PISD: variants seen among roughly 807,000 people sequenced by gnomAD.
The protein encoded by PISD is phosphatidylserine decarboxylase proenzyme, mitochondrial.
A neutral mutation model predicts 43.5 loss-of-function variants in PISD; 31 were observed. The ratio of observed to expected loss-of-function variants is 0.71; its 90% CI spans 0.54 to 0.96. PISD has a LOEUF of 0.96. Among genes scored for constraint, PISD ranks in the 40% least tolerant of loss-of-function variants. PISD has a pLI of 0.00. For synonymous variants in PISD, 259 were observed against 228.7 expected, an observed-to-expected ratio of 1.13 and a Z score of -1.20; for missense variants, 523 against 548.4, an observed-to-expected ratio of 0.95 and a Z score of 0.46.
upstream of PISD, chr22:31,662,228 CG>C (rs760673286): frequency 8.1e-6 from 13 of 1,600,672 alleles, no homozygotes; most frequent in African/African-American, 1.1e-4. Flanking sequence ...TCCTTCTCAG[CG>C]TGCCACGCCC....
intron 3 of PISD, chr22:31,629,320 A>G: frequency 3.1e-6 from 2 of 649,900 alleles, no homozygotes; most frequent in South Asian, 6.8e-5. Flanking sequence ...GGGTGCGTGT[A>G]TAGGTGCGAG....
At chr22:31,631,686 T>C (rs1323085014) in intron 3 of PISD, among the ~76,000 whole-genome samples, 1 of 152,116 alleles carries the variant, frequency 6.6e-6, no homozygotes, top group African/African-American at 2.4e-5. Flanking sequence ...CCACATGGGA[T>C]CAGACCAATC....
rs528514257 is a variant in PISD at position 31,623,503 on chromosome 22, G to T, written c.322-1618C>A. ...CTCGCAGTCACCCGCGGCCCAGGTA[G>T]TGGCCTTCTCAAAAGCTGCCTTGGC... On this transcript the variant is annotated intron_variant, in intron 3 of 7. Coordinates refer to ENST00000439502, the MANE Select transcript of PISD (RefSeq NM_001326411.2). Among the ~76,000 whole-genome samples the T allele has an allele frequency of 2.6e-4, 39 of 152,354 alleles. No homozygotes were observed. The East Asian group carries it at 7.1e-3, about 28-fold the overall frequency.
chr22:31,619,529 A>T lies in PISD; in HGVS notation c.*83T>A. 5.4e-6 allele frequency: 6 copies of T among 1,108,310 alleles called. No individual in the cohort carries two copies. The highest frequency in any genetic ancestry group is 8.2e-6 in the Non-Finnish European group (6 of 734,488). The allele number at this position is 1,108,310 out of a possible 1,614,324, so 68.7% of individuals were successfully genotyped here. A position where few individuals can be genotyped will look rare whatever the true frequency, so the allele number is the denominator to read the frequency against. On this transcript the variant is annotated 3_prime_UTR_variant, in exon 8 of 8. Transcript: ENST00000439502. ...CACGCTGAGGCAGGCCCTTACCTGG[A>T]TGGCCTCATGGGCCTCCCTCTTGAA... is the stretch of plus-strand genomic sequence containing the variant.
At chr22:31,640,566 G>A (rs1181680733) in intron 3 of PISD, among the ~76,000 whole-genome samples, 16 of 138,378 alleles carry the variant, frequency 1.2e-4, no homozygotes, top group East Asian at 2.1e-4. Context: ...TTTTTGTTTC[G>A]GTTTGGTTGT....
chr22:31,638,206 G>C (rs192040269), intron 3 of PISD, among the ~76,000 whole-genome samples: 1 of 152,206 alleles, frequency 6.6e-6, no homozygotes, highest in Admixed American at 6.5e-5. Context: ...CTAGATCCAC[G>C]GGGCAGAGGC....
At chr22:31,620,755 G>A (rs545580972) in intron 6 of PISD, 42 bp from the exon 7 acceptor site, 91 of 1,609,152 alleles carry the variant, frequency 5.7e-5, no homozygotes, top group East Asian at 1.6e-4. Flanking sequence ...TCCAGAGCCC[G>A]GTGTGTCCAC....
rs201610748 is a variant in PISD, at chr22:31,621,629, A to G, written c.558+20T>C. Reference sequence around the variant, plus strand: ...AGGAAAAAGTCCTGTTTCCTGCAGGAGGAAAGGGTCAGGCCTCACCACGCT... The same window carrying G: ...AGGAAAAAGTCCTGTTTCCTGCAGGGGGAAAGGGTCAGGCCTCACCACGCT... On this transcript the variant is annotated intron_variant, in intron 4 of 7. Coordinates refer to ENST00000439502, the MANE Select transcript of PISD (RefSeq NM_001326411.2). 6 of 1,608,462 alleles carry G rather than the reference A, an allele frequency of 3.7e-6. No homozygotes were observed. The East Asian group carries it at 1.3e-4, about 36-fold the overall frequency.
chr22:31,637,800 G>T (rs570106987), intron 3 of PISD, among the ~76,000 whole-genome samples: 1 of 152,186 alleles, frequency 6.6e-6, no homozygotes, highest in African/African-American at 2.4e-5. Context: ...CCCCTCACCC[G>T]GCACTGGCTA....
chr22:31,637,164 AATATATATATATATATAT>A (rs61010566), intron 3 of PISD, among the ~76,000 whole-genome samples: 43 of 13,644 alleles, frequency 3.2e-3, no homozygotes, highest in South Asian at 6.3e-3. Context: ...AAAAAAAAAA[AATATATATATATATATAT>A]ATATATATAT....
chr22:31,650,589 T>C, intron 2 of PISD, 110 bp downstream of exon 2: 1 of 604,676 alleles, frequency 1.7e-6, no homozygotes, highest in Middle Eastern at 2.6e-4. Context: ...CCAGGTACTT[T>C]CCACATACTA....
At position 31,621,693 on chromosome 22, in the gene PISD, T is replaced by C; in HGVS notation, c.514A>G (p.Lys172Glu). 1 of 1,613,920 alleles carries C rather than the reference T, an allele frequency of 6.2e-7. No homozygotes were observed. ...ACAGGCCGGGCCTGCGGCTTCAGCT[T>C]GCGCCGGAAGAACTCGCTGAGGTTG... ...YRNLSEFFRRKLKPQARPVCG... is the reference protein window; with the variant it reads ...YRNLSEFFRRELKPQARPVCG... Residue 172 changes from lysine to glutamate, a missense_variant, in exon 4 of 8, where the codon AAG (lysine) becomes GAG (glutamate). Lys to Glu is a moderately conservative substitution (Grantham distance 56). Coordinates refer to ENST00000439502, the MANE Select transcript of PISD (RefSeq NM_001326411.2).
intron 3 of PISD, chr22:31,626,383 C>T (rs1451258876): frequency 1.3e-5 from 2 of 153,392 alleles, no homozygotes; most frequent in Admixed American, 1.3e-4. Context: ...TTGGCCCCTC[C>T]CTTGCCAGGA....
intron 3 of PISD, chr22:31,638,434 G>T (rs1042274990): frequency 5.1e-6 from 5 of 983,696 alleles, no homozygotes; most frequent in African/African-American, 1.7e-5. Flanking sequence ...GGCGAGGAAG[G>T]GGGGATGAAG....
chr22:31,649,966 T>C (rs1019684206), intron 2 of PISD, among the ~76,000 whole-genome samples: 1 of 152,192 alleles, frequency 6.6e-6, no homozygotes, highest in Non-Finnish European at 1.5e-5. Flanking sequence ...GAACAGATTC[T>C]CCCTCACAGC....
At chr22:31,628,611 G>A (rs2073034281) in intron 3 of PISD, among the ~76,000 whole-genome samples, 1 of 152,204 alleles carries the variant, frequency 6.6e-6, no homozygotes, top group Non-Finnish European at 1.5e-5. Context: ...TGACAACCTG[G>A]TCACTGCAAT....
chr22:31,630,909 C>T lies in PISD; in HGVS notation c.322-9024G>A. ...GCTCGGGCTCCAGCCACTCAGACTA[C>T]CAGGGGCGGGGGCAGGAGGCCGACC... On this transcript the variant is annotated intron_variant, in intron 3 of 7. Coordinates refer to ENST00000439502, the MANE Select transcript of PISD (RefSeq NM_001326411.2). The surrounding 1 kb of genome is among the most constrained non-coding windows in gnomAD (Gnocchi z 4.4). 1 of 969,346 alleles carries T rather than the reference C, an allele frequency of 1.0e-6. No homozygotes were observed. The highest frequency in any genetic ancestry group is 1.2e-6 in the Non-Finnish European group (1 of 815,264). 60.0% of individuals were successfully genotyped at this position (969,346 alleles called of 1,614,324 possible). A position where few individuals can be genotyped will look rare whatever the true frequency, so the allele number is the denominator to read the frequency against.
At chr22:31,633,690 G>A (rs1431940819) in intron 3 of PISD, among the ~76,000 whole-genome samples, 2 of 152,096 alleles carry the variant, frequency 1.3e-5, no homozygotes, top group African/African-American at 4.8e-5. Context: ...ACTCCAGCCT[G>A]GGCGACAGAG....
Position 31,649,701 on chromosome 22 carries a change from C to T in PISD, c.145+998G>A, listed in dbSNP as rs544079776. 4.6e-5 allele frequency among the ~76,000 whole-genome samples: 7 copies of T among 152,198 alleles called. No homozygotes were observed. The South Asian group carries it at 1.5e-3, about 32-fold the overall frequency. On this transcript the variant is annotated intron_variant, in intron 2 of 7. Coordinates refer to ENST00000439502, the MANE Select transcript of PISD (RefSeq NM_001326411.2). The stretch of plus-strand genomic sequence containing the variant: ...TGAGCCGAGATCCCACCACTGCACT[C>T]AGCCTGGGCGACAGAGCGAGACTCC...
Sources: allele counts gnomAD v4.1 joint callset (sites outside exome capture counted in the v4.1 genomes callset), GRCh38; gene constraint gnomAD v4.1.1; non-coding constraint Gnocchi (gnomAD v3.1); transcripts MANE v1.5; gene names NCBI Gene and HGNC (gene_info 2026-07-23, HGNC 2026-07-21).